GBF1: variants seen among roughly 807,000 people sequenced by gnomAD.
GBF1 encodes Golgi-specific brefeldin A-resistance guanine nucleotide exchange factor 1.
Under a neutral mutation model 210.5 loss-of-function variants are expected in GBF1, and 114 were observed. That is an observed-to-expected ratio of 0.54 (90% CI 0.47 to 0.63). The LOEUF is 0.63. Ranked by LOEUF, GBF1 falls within the 30% of genes least tolerant of loss-of-function variation. GBF1 has a pLI of 0.00. For missense variants in GBF1, 1,851 were observed against 2,357.7 expected (o/e 0.79, Z 4.45); for synonymous variants, 850 against 889.2 (o/e 0.96, Z 0.78).
At chr10:102,318,527 C>T (rs2056056873) in intron 3 of GBF1, among the ~76,000 whole-genome samples, 2 of 152,228 alleles carry the variant, frequency 1.3e-5, no homozygotes, top group South Asian at 4.2e-4. Flanking sequence ...ATATTATAAG[C>T]AATGTGGTAT....
chr10:102,372,509 C>CA (rs1236613967), intron 29 of GBF1, among the ~76,000 whole-genome samples: 16 of 151,562 alleles, frequency 1.1e-4, no homozygotes, highest in South Asian at 2.1e-4. Context: ...AACTCTGTCT[C>CA]AAAAAAAAGA....
intron 3 of GBF1, among the ~76,000 whole-genome samples, chr10:102,304,192 A>T (rs569288620): frequency 6.6e-6 from 1 of 152,326 alleles, no homozygotes; most frequent in Admixed American, 6.5e-5. Context: ...TTTAAGATTC[A>T]TTGGCCTTTT....
chr10:102,324,471 T>C (rs1367156063), intron 3 of GBF1, among the ~76,000 whole-genome samples: 1 of 152,246 alleles, frequency 6.6e-6, no homozygotes, highest in Non-Finnish European at 1.5e-5. Context: ...ATCTCCAACT[T>C]ACTTCTTGCT....
At chr10:102,358,288 T>C (rs556617684) in intron 9 of GBF1, 102 bp downstream of exon 9, 2 of 1,111,216 alleles carry the variant, frequency 1.8e-6, no homozygotes, top group African/African-American at 1.6e-5. Flanking sequence ...GGCTTTGGTC[T>C]TGGCGCTGAG....
At chr10:102,304,871 G>C (rs192644677) in intron 3 of GBF1, among the ~76,000 whole-genome samples, 14 of 151,926 alleles carry the variant, frequency 9.2e-5, no homozygotes, top group Non-Finnish European at 1.2e-4. Flanking sequence ...TACAAGCCGG[G>C]TGTGGTGGTG....
At chr10:102,232,092 T>G in the GBF1 span, 1 of 1,547,020 alleles carries the variant, frequency 6.5e-7, no homozygotes, top group Non-Finnish European at 8.8e-7. Flanking sequence ...GAGGGAGGGC[T>G]CTGGAGGCGA....
chr10:102,310,334 C>T (rs1278133656), intron 3 of GBF1, among the ~76,000 whole-genome samples: 1 of 152,216 alleles, frequency 6.6e-6, no homozygotes, highest in Non-Finnish European at 1.5e-5. Flanking sequence ...CCCTACTTAT[C>T]CTTGTTTTTC....
In GBF1 at chr10:102,351,516, G is replaced by A. The variant is rs535222463; in HGVS notation, c.414+142G>A. The A allele has an allele frequency of 1.4e-4, 90 of 632,320 alleles. 1 individual carries two copies. In the South Asian group the frequency reaches 1.6e-3, roughly 12 times the overall value. The allele number at this position is 632,320 out of a possible 1,614,324, so 39.2% of individuals were successfully genotyped here. ...ACTTTGTTTCCAGACAAGCAGCTGG[G>A]GTACCCAAAGTAAAAGCTTTTTCTA... is the stretch of plus-strand genomic sequence containing the variant. On this transcript the variant is annotated intron_variant, in intron 5 of 39. Transcript: ENST00000369983.
chr10:102,366,269 G>A lies in GBF1; in HGVS notation c.2310-114G>A. ...AACAGGAGATACTGCCCCTTTACTA[G>A]AGACCTCAGCCTCCTCTCTTCCAGT... On this transcript the variant is annotated intron_variant, in intron 18 of 39. Transcript: ENST00000369983. The surrounding 1 kb of genome is among the most constrained non-coding windows in gnomAD (Gnocchi z 4.0). 1.9e-6 allele frequency: 2 copies of A among 1,076,518 alleles called. No homozygotes were observed. Among genetic ancestry groups the A allele is most frequent in the Non-Finnish European group, 2.8e-6 (2 of 717,798 alleles). 66.7% of individuals were successfully genotyped at this position (1,076,518 alleles called of 1,614,324 possible).
upstream of GBF1, among the ~76,000 whole-genome samples, chr10:102,244,126 TCAAAA>T (rs2070634121): frequency 6.6e-6 from 1 of 151,880 alleles, no homozygotes; most frequent in African/African-American, 2.4e-5. Context: ...CAAGACTCTC[TCAAAA>T]CAAACAAACA....
rs1477373676 is a variant in GBF1 at position 102,263,542 on chromosome 10, A to ATT, written c.163+3426_163+3427insTT. Reference sequence around the variant, plus strand: ...GTTCATTGGACATTGTCAGTAAACCAAAATGATTTTTTTTTCTCTTTTTGT... The same window carrying ATT: ...GTTCATTGGACATTGTCAGTAAACCATTAAATGATTTTTTTTTCTCTTTTTGT... On this transcript the variant is annotated intron_variant, in intron 3 of 39. Coordinates refer to ENST00000369983, the MANE Select transcript of GBF1 (RefSeq NM_001377137.1). Among the ~76,000 whole-genome samples, 52 of 152,344 alleles carry ATT rather than the reference A, an allele frequency of 3.4e-4. 1 individual carries two copies. The highest frequency in any genetic ancestry group is 6.0e-4 in the Non-Finnish European group (41 of 68,030).
chr10:102,234,488 G>C, the GBF1 span, among the ~76,000 whole-genome samples: 223 of 152,272 alleles, frequency 1.5e-3, 3 homozygotes, highest in Non-Finnish European at 4.0e-4. Flanking sequence ...TCAGGTCAGG[G>C]GGTTTGGAGC....
chr10:102,351,780 T>C, intron 5 of GBF1, 63 bp from the exon 6 acceptor site: 1 of 954,652 alleles, frequency 1.0e-6, no homozygotes, highest in Non-Finnish European at 1.7e-6. Flanking sequence ...AACCCCTCTC[T>C]CTTACCCTTG....
chr10:102,285,926 T>G (rs908060019), intron 3 of GBF1, among the ~76,000 whole-genome samples: 3 of 152,168 alleles, frequency 2.0e-5, no homozygotes, highest in Admixed American at 6.5e-5. Flanking sequence ...CTTGAAATAT[T>G]ATAAATCAGA....
rs1396295200 is a variant in GBF1 at position 102,382,199 on chromosome 10, TC to T, written c.5450del (p.Pro1817HisfsTer9). The T allele has an allele frequency of 6.2e-7, 1 of 1,613,966 alleles. No homozygotes were observed. The highest frequency in any genetic ancestry group is 1.7e-5 in the Admixed American group (1 of 60,014). On this transcript the variant is annotated frameshift_variant, in exon 40 of 40. Transcript: ENST00000369983. LOFTEE classifies it high-confidence loss of function. ...QPPLILQPLA[S>X]PLQVGVPPMT... ...CCCACTGATCCTGCAGCCCTTGGCC[TC>T]CCCACTGCAGGTGGGCGTGCCACCT...
intron 3 of GBF1, among the ~76,000 whole-genome samples, chr10:102,265,975 C>T (rs922940302): frequency 1.1e-4 from 16 of 152,100 alleles, no homozygotes; most frequent in African/African-American, 3.4e-4. Context: ...CGGTGGCTCA[C>T]GCCTGTAATC....
At position 102,363,135 on chromosome 10, in the gene GBF1, C is replaced by G; in HGVS notation, c.1877-121C>G. The G allele has an allele frequency of 1.2e-6, 1 of 856,228 alleles. No homozygotes were observed. Among genetic ancestry groups the G allele is most frequent in the Non-Finnish European group, 1.8e-6 (1 of 566,948 alleles). The allele number at this position is 856,228 out of a possible 1,614,324, so 53.0% of individuals were successfully genotyped here. A position where few individuals can be genotyped will look rare whatever the true frequency, so the allele number is the denominator to read the frequency against. ...TATTTTGGCTTGGGTTTGTCCTGCT[C>G]AGGGCTGGCGCCCTGTGCAGGAACC... is the stretch of plus-strand genomic sequence containing the variant. On this transcript the variant is annotated intron_variant, in intron 15 of 39. Transcript: ENST00000369983. The surrounding 1 kb of genome is among the most constrained non-coding windows in gnomAD (Gnocchi z 4.2).
intron 17 of GBF1, among the ~76,000 whole-genome samples, chr10:102,364,120 G>T (rs1190899647): frequency 6.6e-6 from 1 of 151,578 alleles, no homozygotes; most frequent in Non-Finnish European, 1.5e-5. Flanking sequence ...TCCAGCTCTT[G>T]CAAGATGATT....
At chr10:102,253,672 C>T (rs2133940611) in intron 1 of GBF1, among the ~76,000 whole-genome samples, 1 of 152,144 alleles carries the variant, frequency 6.6e-6, no homozygotes, top group South Asian at 2.1e-4. Flanking sequence ...TGCCACCATG[C>T]CCTACTAATT....
Sources: gnomAD v4.1 joint callset for allele counts (sites outside exome capture counted in the v4.1 genomes callset) on GRCh38, gnomAD v4.1.1 for gene constraint, Gnocchi (gnomAD v3.1) non-coding constraint, MANE v1.5 for transcripts, NCBI Gene and HGNC (gene_info 2026-07-23, HGNC 2026-07-21) for gene names.